ZSWIM5: variants seen among roughly 807,000 people sequenced by gnomAD.
The protein encoded by ZSWIM5 is zinc finger SWIM-type containing 5, also known as zinc finger SWIM domain-containing protein 5.
In ZSWIM5, 55 loss-of-function variants were observed where a neutral mutation model predicts 119.6. The observed-to-expected ratio is 0.46, with a 90% confidence interval of 0.37 to 0.58. The LOEUF (loss-of-function observed/expected upper bound fraction) is 0.58. Ranked by LOEUF, ZSWIM5 falls within the 20% of genes least tolerant of loss-of-function variation. The pLI is 0.00. For synonymous variants in ZSWIM5, 537 were observed against 606.9 expected, an observed-to-expected ratio of 0.88 and a Z score of 1.69; for missense variants, 1,193 against 1,512.8, an observed-to-expected ratio of 0.79 and a Z score of 3.51.
chr1:45,121,414 T>C (rs1159039588), intron 1 of ZSWIM5, among the ~76,000 whole-genome samples: 2 of 152,198 alleles, frequency 1.3e-5, no homozygotes, highest in African/African-American at 4.8e-5. Flanking sequence ...TGTCTCCTTT[T>C]ATCCTCTCTC....
At chr1:45,136,444 T>A (rs1170736696) in intron 1 of ZSWIM5, among the ~76,000 whole-genome samples, 1 of 152,150 alleles carries the variant, frequency 6.6e-6, no homozygotes, top group African/African-American at 2.4e-5. Context: ...TATCCCTTTT[T>A]TTTGCTCCTA....
At chr1:45,131,168 A>C (rs943252109) in intron 1 of ZSWIM5, among the ~76,000 whole-genome samples, 1 of 152,162 alleles carries the variant, frequency 6.6e-6, no homozygotes, top group Admixed American at 6.5e-5. Context: ...AAACATTTTG[A>C]ATCTTAAATA....
At chr1:45,140,308 C>T (rs1344580435) in intron 1 of ZSWIM5, among the ~76,000 whole-genome samples, 2 of 152,084 alleles carry the variant, frequency 1.3e-5, no homozygotes, top group African/African-American at 4.8e-5. Flanking sequence ...GCAACAATGG[C>T]AGAATTGTAG....
intron 12 of ZSWIM5, 66 bp downstream of exon 12, chr1:45,020,559 T>G: frequency 6.4e-7 from 1 of 1,559,144 alleles, no homozygotes; most frequent in Non-Finnish European, 8.7e-7. Context: ...CCCAGAGATC[T>G]TATCTTCTGC....
chr1:45,128,288 G>A (rs549234675), intron 1 of ZSWIM5, among the ~76,000 whole-genome samples: 1 of 152,092 alleles, frequency 6.6e-6, no homozygotes, highest in South Asian at 2.1e-4. Flanking sequence ...CAACTCCCTG[G>A]GCTCAAGCAA....
chr1:45,057,470 G>A lies in ZSWIM5; in HGVS notation c.1252+1139C>T, dbSNP rs1645129872. Reference sequence around the variant, plus strand: ...CCCAGAGGTAAAGCCCAAGTTCACAGCACAATCCTGTGACTGGTTCAGAAA... The same window carrying A: ...CCCAGAGGTAAAGCCCAAGTTCACAACACAATCCTGTGACTGGTTCAGAAA... On this transcript the variant is annotated intron_variant, in intron 4 of 13. Transcript: ENST00000359600. The surrounding 1 kb of genome is among the most constrained non-coding windows in gnomAD (Gnocchi z 4.7). 6.6e-6 allele frequency among the ~76,000 whole-genome samples: 1 copy of A among 152,160 alleles called. No homozygotes were observed. Among genetic ancestry groups the A allele is most frequent in the Non-Finnish European group, 1.5e-5 (1 of 68,014 alleles).
In ZSWIM5 at chr1:45,043,376, T is replaced by C; in HGVS notation, c.1452A>G (p.Arg484=). The C allele has an allele frequency of 6.2e-7, 1 of 1,614,216 alleles. No homozygotes were observed. Among genetic ancestry groups the C allele is most frequent in the East Asian group, 2.2e-5 (1 of 44,892 alleles). The part of the protein sequence containing the change: ...IHSPDSLSRP[R]RTVFTRAIEG... Reference sequence around the variant, plus strand: ...CAATGGCTCTAGTGAATACTGTTCGTCTTGGTCTGGATAAGGAGTCTGGAG... The same window carrying C: ...CAATGGCTCTAGTGAATACTGTTCGCCTTGGTCTGGATAAGGAGTCTGGAG... The change falls in exon 6 of 14, where the codon AGA becomes AGG. Residue 484 remains arginine, a synonymous_variant. Transcript: ENST00000359600.
intron 1 of ZSWIM5, among the ~76,000 whole-genome samples, chr1:45,191,422 A>G (rs1646092761): frequency 6.6e-6 from 1 of 152,158 alleles, no homozygotes; most frequent in African/African-American, 2.4e-5. Flanking sequence ...GAAACAGTGT[A>G]GTTCACCTTC....
chr1:45,102,845 T>A (rs779544188), intron 1 of ZSWIM5, among the ~76,000 whole-genome samples: 1 of 152,156 alleles, frequency 6.6e-6, no homozygotes, highest in Non-Finnish European at 1.5e-5. Context: ...TGTATATAGA[T>A]TTTTAAATTA....
intron 4 of ZSWIM5, among the ~76,000 whole-genome samples, chr1:45,052,556 G>A (rs1270512650): frequency 2.0e-5 from 3 of 152,066 alleles, no homozygotes; most frequent in African/African-American, 7.2e-5. Context: ...GATCACTTGA[G>A]CTCAGGAGTT....
At chr1:45,050,047 T>C (rs1297422869) in intron 5 of ZSWIM5, among the ~76,000 whole-genome samples, 1 of 151,964 alleles carries the variant, frequency 6.6e-6, no homozygotes, top group East Asian at 1.9e-4. Context: ...AAAATACCAA[T>C]AGAGTTATTT....
At position 45,036,022 on chromosome 1, in the gene ZSWIM5, G is replaced by T. The variant is rs765600943; in HGVS notation, c.2155+17C>A. On this transcript the variant is annotated intron_variant, in intron 9 of 13. Transcript: ENST00000359600. ...ATGGGCCAAAGACACCGTGACAAGA[G>T]ACTCTTTTCTACTTACCTTCCAGCA... The T allele has an allele frequency of 4.3e-6, 7 of 1,610,082 alleles. No homozygotes were observed. In the South Asian group the frequency reaches 7.7e-5, roughly 18 times the overall value.
intron 1 of ZSWIM5, among the ~76,000 whole-genome samples, chr1:45,094,740 A>G (rs573032602): frequency 9.9e-5 from 15 of 152,126 alleles, no homozygotes; most frequent in Admixed American, 2.0e-4. Context: ...GTGCACGCCT[A>G]TAGTCCCATA....
chr1:45,167,395 T>C (rs1255840235), intron 1 of ZSWIM5, among the ~76,000 whole-genome samples: 1 of 151,730 alleles, frequency 6.6e-6, no homozygotes, highest in East Asian at 1.9e-4. Context: ...GGCAATACCA[T>C]TCAGGACATA....
chr1:45,081,815 G>A (rs1263481628), intron 2 of ZSWIM5, among the ~76,000 whole-genome samples: 13 of 152,062 alleles, frequency 8.5e-5, no homozygotes, highest in Admixed American at 2.6e-4. Context: ...CCACCACCCC[G>A]TCTGGGAGGT....
chr1:45,106,019 C>T (rs1280291123), intron 1 of ZSWIM5, among the ~76,000 whole-genome samples: 10 of 140,020 alleles, frequency 7.1e-5, no homozygotes, highest in Middle Eastern at 4.5e-3. Context: ...CCGGCCGCCC[C>T]GTCTGGGAGG....
At chr1:45,068,070 A>G (rs1343891882) in intron 2 of ZSWIM5, among the ~76,000 whole-genome samples, 1 of 150,926 alleles carries the variant, frequency 6.6e-6, no homozygotes, top group African/African-American at 2.4e-5. Flanking sequence ...GGGGGTTATT[A>G]AGTCTAAGGA....
intron 2 of ZSWIM5, among the ~76,000 whole-genome samples, chr1:45,076,463 A>C (rs1441158276): frequency 6.6e-6 from 1 of 152,100 alleles, no homozygotes; most frequent in African/African-American, 2.4e-5. Context: ...TAGAGTTTCC[A>C]CTGAGAAGTC....
intron 7 of ZSWIM5, 90 bp downstream of exon 7, chr1:45,040,302 G>C: frequency 7.4e-7 from 1 of 1,347,712 alleles, no homozygotes; most frequent in South Asian, 1.8e-5. Flanking sequence ...GAATGACCCG[G>C]AATTCCCTAG....
Sources: gnomAD v4.1 joint callset for allele counts (sites outside exome capture counted in the v4.1 genomes callset) on GRCh38, gnomAD v4.1.1 for gene constraint, Gnocchi (gnomAD v3.1) non-coding constraint, MANE v1.5 for transcripts, NCBI Gene and HGNC (gene_info 2026-07-23, HGNC 2026-07-21) for gene names.